DIPK1A: variants seen among roughly 807,000 people sequenced by gnomAD.
DIPK1A encodes family with sequence similarity 69 member A.
A neutral mutation model predicts 40.8 loss-of-function variants in DIPK1A; 27 were observed. That is an observed-to-expected ratio of 0.66 (90% CI 0.49 to 0.91). The LOEUF (loss-of-function observed/expected upper bound fraction) is 0.91, where lower values mean the gene tolerates loss of function less well. DIPK1A is among the 40% of genes least tolerant of loss of function. The pLI is 0.00. For missense variants in DIPK1A, 412 were observed against 505.7 expected, an observed-to-expected ratio of 0.81 and a Z score of 1.78; for synonymous variants, 166 against 171.3, an observed-to-expected ratio of 0.97 and a Z score of 0.24.
chr1:92,868,792 C>T (rs1386655807), intron 2 of DIPK1A, among the ~76,000 whole-genome samples: 2 of 151,934 alleles, frequency 1.3e-5, no homozygotes, highest in Non-Finnish European at 2.9e-5. Context: ...GTGGTGAAAC[C>T]TTGTCTCTAC....
chr1:92,949,435 T>C (rs1032070655), intron 1 of DIPK1A, among the ~76,000 whole-genome samples: 7 of 151,808 alleles, frequency 4.6e-5, no homozygotes, highest in African/African-American at 1.7e-4. Context: ...CCACCACACC[T>C]AGCTAATTTT....
At chr1:92,872,034 C>G (rs1483144554) in intron 2 of DIPK1A, among the ~76,000 whole-genome samples, 1 of 150,328 alleles carries the variant, frequency 6.7e-6, no homozygotes, top group Non-Finnish European at 1.5e-5. Context: ...TTTGAGAACC[C>G]TCCATACTAT....
At chr1:92,887,100 G>A (rs1648638154) in intron 1 of DIPK1A, among the ~76,000 whole-genome samples, 1 of 151,778 alleles carries the variant, frequency 6.6e-6, no homozygotes, top group Non-Finnish European at 1.5e-5. Context: ...TGTTTGCTAA[G>A]TGCAAACATT....
downstream of DIPK1A, among the ~76,000 whole-genome samples, chr1:92,839,281 C>G (rs1315449268): frequency 2.6e-5 from 4 of 152,142 alleles, no homozygotes; most frequent in African/African-American, 9.7e-5. Flanking sequence ...ATTGCTTGAA[C>G]CCTGGAGGTG....
chr1:92,840,430 A>G, downstream of DIPK1A: 1 of 766,170 alleles, frequency 1.3e-6, no homozygotes, highest in Non-Finnish European at 2.3e-6. Context: ...GTTTACCAAC[A>G]TTGATTTAGT....
chr1:92,845,541 G>GA (rs545634818), intron 4 of DIPK1A: 62,546 of 224,696 alleles, frequency 0.28, 4,415 homozygotes, highest in Non-Finnish European at 0.31. Flanking sequence ...CGTCTCTGCT[G>GA]AAAAAAAAAA....
downstream of DIPK1A, chr1:92,837,722 A>G (rs1687184395): frequency 9.4e-7 from 1 of 1,063,272 alleles, no homozygotes; most frequent in Admixed American, 1.9e-5. Context: ...ATTCTTATAT[A>G]GGTGTGTTTC....
chr1:92,856,599 T>C (rs890140163), intron 2 of DIPK1A, among the ~76,000 whole-genome samples: 2 of 152,078 alleles, frequency 1.3e-5, no homozygotes, highest in Non-Finnish European at 2.9e-5. Flanking sequence ...GTATTTTTAG[T>C]AGAGATGGGG....
intron 1 of DIPK1A, among the ~76,000 whole-genome samples, chr1:92,894,594 C>T (rs1369552657): frequency 6.6e-6 from 1 of 151,970 alleles, no homozygotes; most frequent in African/African-American, 2.4e-5. Flanking sequence ...ATTAAAAGAA[C>T]TAGAGAAGCT....
chr1:92,834,909 G>A lies in DIPK1A; in HGVS notation c.475-1875C>T, dbSNP rs751845365. On this transcript the variant is annotated intron_variant, in intron 4 of 4. Coordinates refer to the DIPK1A transcript ENST00000615519. ...TATTGTACTGGCCTGCTGCTGGCCC[G>A]CAGGGTATGTACAAGATGATTTTAA... is the stretch of plus-strand genomic sequence containing the variant. 1.2e-5 allele frequency: 20 copies of A among 1,600,938 alleles called. No individual in the cohort carries two copies. Among genetic ancestry groups the A allele is most frequent in the East Asian group, 2.2e-5 (1 of 44,884 alleles).
intron 1 of DIPK1A, among the ~76,000 whole-genome samples, chr1:92,904,818 C>T (rs899299549): frequency 6.6e-6 from 1 of 152,038 alleles, no homozygotes; most frequent in Non-Finnish European, 1.5e-5. Flanking sequence ...CACTACCTTT[C>T]CCAGTCTCTA....
At chr1:92,952,746 A>G (rs1273139327) in intron 1 of DIPK1A, among the ~76,000 whole-genome samples, 1 of 152,034 alleles carries the variant, frequency 6.6e-6, no homozygotes, top group South Asian at 2.1e-4. Flanking sequence ...CCCGTAATCT[A>G]AAAAAAATCC....
intron 1 of DIPK1A, among the ~76,000 whole-genome samples, chr1:92,878,094 A>G (rs1182920890): frequency 6.6e-6 from 1 of 152,216 alleles, no homozygotes; most frequent in Non-Finnish European, 1.5e-5. Context: ...CAGGAAATAC[A>G]TGAGACAGAG....
rs148916481 is a variant in DIPK1A at position 92,860,646 on chromosome 1, A to AAAAAAAAAAAGCCAGGTG, written c.190-9692_190-9691insCACCTGGCTTTTTTTTTT. Among the ~76,000 whole-genome samples the AAAAAAAAAAAGCCAGGTG allele has an allele frequency of 4.0e-4, 42 of 105,200 alleles. 1 individual carries two copies. The highest frequency in any genetic ancestry group is 1.3e-3 in the South Asian group (4 of 3,126). The allele number at this position is 105,200 out of a possible 152,430, so 69.0% of individuals were successfully genotyped here. On this transcript the variant is annotated intron_variant, in intron 2 of 4. Coordinates refer to ENST00000370310, the MANE Select transcript of DIPK1A (RefSeq NM_001006605.5). ...TTCTACTAAAAAAAAAAAAAAAAAA[A>AAAAAAAAAAAGCCAGGTG]TGGTGGTGTGCACCTTAGTCCCAGC...
chr1:92,836,471 C>T (rs985053943), intron 4 of DIPK1A: 13 of 1,307,378 alleles, frequency 9.9e-6, no homozygotes, highest in African/African-American at 1.5e-5. Flanking sequence ...TGGAGATAAC[C>T]GAATTAAAGT....
chr1:92,845,475 C>T lies in DIPK1A; in HGVS notation c.475-1280G>A, dbSNP rs772068628. The T allele has an allele frequency of 3.4e-5, 13 of 376,824 alleles. No homozygotes were observed. The East Asian group carries it at 6.1e-4, about 18-fold the overall frequency. 23.3% of individuals were successfully genotyped at this position (376,824 alleles called of 1,614,324 possible). On this transcript the variant is annotated intron_variant, in intron 4 of 4. Transcript: ENST00000370310. ...CTTGAGCTCAGGAGTTCTAGACCCGCCTGGGCAACATGGTGAAACCGTGTC... is the reference window on the plus strand; with the variant it reads ...CTTGAGCTCAGGAGTTCTAGACCCGTCTGGGCAACATGGTGAAACCGTGTC...
chr1:92,852,281 C>T (rs1231512951), intron 2 of DIPK1A, among the ~76,000 whole-genome samples: 2 of 152,088 alleles, frequency 1.3e-5, no homozygotes, highest in Non-Finnish European at 2.9e-5. Flanking sequence ...GGTGGATCAC[C>T]TGAGGTCAGG....
chr1:92,871,966 TG>T (rs1647885177), intron 2 of DIPK1A, among the ~76,000 whole-genome samples: 1 of 152,136 alleles, frequency 6.6e-6, no homozygotes, highest in African/African-American at 2.4e-5. Context: ...TCAATTTTTT[TG>T]GTATGTATAC....
chr1:92,835,871 T>C (rs1272490715), intron 4 of DIPK1A, among the ~76,000 whole-genome samples: 1 of 152,170 alleles, frequency 6.6e-6, no homozygotes, highest in Non-Finnish European at 1.5e-5. Flanking sequence ...TATAAACATG[T>C]TTTAATGGAG....
Sources: gnomAD v4.1 joint callset for allele counts (sites outside exome capture counted in the v4.1 genomes callset) on GRCh38, gnomAD v4.1.1 for gene constraint, MANE v1.5 for transcripts, NCBI Gene and HGNC (gene_info 2026-07-23, HGNC 2026-07-21) for gene names.